VPS50: variants seen among roughly 807,000 people sequenced by gnomAD.
VPS50 encodes the protein syndetin.
In VPS50, 70 loss-of-function variants were observed where a neutral mutation model predicts 139.7. The ratio of observed to expected loss-of-function variants is 0.50; its 90% confidence interval spans 0.41 to 0.61. The LOEUF is 0.61. Among genes scored for constraint, VPS50 ranks in the 20% least tolerant of loss-of-function variants. VPS50 has a pLI of 0.00. For missense variants in VPS50, 921 were observed against 1,133.7 expected (o/e 0.81, Z 2.69); for synonymous variants, 365 against 376.7 (o/e 0.97, Z 0.36).
At chr7:93,249,978 C>T (rs1295723734) in intron 2 of VPS50, among the ~76,000 whole-genome samples, 1 of 152,006 alleles carries the variant, frequency 6.6e-6, no homozygotes, top group Non-Finnish European at 1.5e-5. Context: ...AGATAAACCC[C>T]TTCAGGAATG....
chr7:93,316,525 A>AG (rs1413813334), intron 20 of VPS50, among the ~76,000 whole-genome samples: 1 of 152,206 alleles, frequency 6.6e-6, no homozygotes, highest in African/African-American at 2.4e-5. Flanking sequence ...ATAGAGAAGA[A>AG]GATGGATTAG....
chr7:93,257,166 A>G (rs1028998347), intron 5 of VPS50, among the ~76,000 whole-genome samples: 1 of 152,088 alleles, frequency 6.6e-6, no homozygotes, highest in African/African-American at 2.4e-5. Context: ...AGCAATACTG[A>G]CTAAATATTT....
At chr7:93,246,185 A>G in intron 2 of VPS50, 1 of 1,049,552 alleles carries the variant, frequency 9.5e-7, no homozygotes. Context: ...ATGTTGACGA[A>G]TGAAGAAATG....
chr7:93,348,492 T>C (rs947032473), intron 23 of VPS50, among the ~76,000 whole-genome samples: 1 of 152,228 alleles, frequency 6.6e-6, no homozygotes, highest in African/African-American at 2.4e-5. Context: ...TTGTTCTTCT[T>C]TCACCTCAAC....
chr7:93,276,323 TA>T lies in VPS50; in HGVS notation c.942+19del. On this transcript the variant is annotated intron_variant, in intron 12 of 27. Transcript: ENST00000305866. ...TCTGTACAGTATGTAGTGACTTAAT[TA>T]CTATTCATATATCTCTCCTTTAGAT... The T allele has an allele frequency of 6.3e-7, 1 of 1,597,822 alleles. No homozygotes were observed. The highest frequency in any genetic ancestry group is 1.1e-5 in the South Asian group (1 of 89,470).
At chr7:93,321,716 C>A (rs998368928) in intron 20 of VPS50, among the ~76,000 whole-genome samples, 19 of 152,108 alleles carry the variant, frequency 1.2e-4, no homozygotes, top group African/African-American at 4.3e-4. Flanking sequence ...ATTTTTATAT[C>A]CTTTTTCAAG....
intron 12 of VPS50, among the ~76,000 whole-genome samples, chr7:93,283,749 T>A (rs763182815): frequency 2.6e-5 from 4 of 152,152 alleles, no homozygotes; most frequent in Non-Finnish European, 1.5e-5. Flanking sequence ...GTCTTAGATT[T>A]CAACAGGCAC....
At chr7:93,258,608 C>T (rs1010290822) in intron 8 of VPS50, among the ~76,000 whole-genome samples, 3 of 152,000 alleles carry the variant, frequency 2.0e-5, no homozygotes, top group African/African-American at 7.2e-5. Flanking sequence ...TTTGGGAAAA[C>T]ATTTATCTTC....
chr7:93,332,406 C>T (rs1005023264), intron 21 of VPS50, among the ~76,000 whole-genome samples: 1 of 152,174 alleles, frequency 6.6e-6, no homozygotes, highest in Non-Finnish European at 1.5e-5. Context: ...AAAAGCCCCA[C>T]CTCCAAATGC....
At chr7:93,232,579 G>A (rs1240742788) in intron 1 of VPS50, 79 bp downstream of exon 1, 2 of 1,263,392 alleles carry the variant, frequency 1.6e-6, no homozygotes, top group African/African-American at 1.5e-5. Context: ...CCCAACCAGT[G>A]GCGGGCGGGG....
intron 12 of VPS50, among the ~76,000 whole-genome samples, chr7:93,284,521 T>C (rs1025737063): frequency 2.0e-5 from 3 of 152,228 alleles, no homozygotes; most frequent in Admixed American, 6.5e-5. Flanking sequence ...ATTATTTATA[T>C]CATACATATT....
At position 93,348,723 on chromosome 7, in the gene VPS50, T is replaced by C. The variant is rs1228661509; in HGVS notation, c.2220T>C (p.Ala740=). The C allele has an allele frequency of 1.2e-6, 2 of 1,611,958 alleles. No individual in the cohort carries two copies. Among genetic ancestry groups the C allele is most frequent in the Admixed American group, 3.3e-5 (2 of 60,006 alleles). ...TTATTCCCTTTAGGGTATTCTTGGC[T>C]GAACAGTTTGAGTTCCTTCAGCCAC... ...VVATESLVFL[A]EQFEFLQPHL... The change falls in exon 24 of 28, where the codon GCT becomes GCC. Residue 740 remains alanine (A), a synonymous_variant. Coordinates refer to ENST00000305866, the MANE Select transcript of VPS50 (RefSeq NM_017667.4).
chr7:93,342,156 C>T lies in VPS50; in HGVS notation c.2207+581C>T, dbSNP rs539758168. The stretch of plus-strand genomic sequence containing the variant: ...GAGCCGAAGCAGGGCGAGGCATTGC[C>T]TCACTAGGGAAGCACAAGGGGTCAG... On this transcript the variant is annotated intron_variant, in intron 23 of 27. Transcript: ENST00000305866. Among the ~76,000 whole-genome samples, 192 of 152,286 alleles carry T rather than the reference C, an allele frequency of 1.3e-3. 1 individual carries two copies. The highest frequency in any genetic ancestry group is 4.4e-3 in the African/African-American group (182 of 41,554).
At chr7:93,355,832 A>G in intron 26 of VPS50, 59 bp from the exon 27 acceptor site, 2 of 1,014,888 alleles carry the variant, frequency 2.0e-6, no homozygotes, top group Admixed American at 2.4e-5. Context: ...CAAATACCTG[A>G]CAGTTTTTTG....
At chr7:93,246,044 AC>A (rs1488654378) in intron 2 of VPS50, 12 of 1,022,002 alleles carry the variant, frequency 1.2e-5, no homozygotes, top group Non-Finnish European at 1.6e-5. Context: ...TTTTGTTCTT[AC>A]TTCTAGCTCT....
chr7:93,268,120 C>T (rs1795895724), intron 9 of VPS50, among the ~76,000 whole-genome samples: 1 of 152,176 alleles, frequency 6.6e-6, no homozygotes, highest in Non-Finnish European at 1.5e-5. Context: ...ACTTGCCTTG[C>T]ATAAAGCCTT....
At chr7:93,341,273 T>TACAA (rs1435361517) in intron 22 of VPS50, among the ~76,000 whole-genome samples, 154 bp from the exon 23 acceptor site, 2 of 152,206 alleles carry the variant, frequency 1.3e-5, no homozygotes, top group African/African-American at 4.8e-5. Flanking sequence ...TTCCAATAGT[T>TACAA]ACAAACATGA....
intron 25 of VPS50, among the ~76,000 whole-genome samples, chr7:93,351,132 G>A (rs557354045): frequency 3.9e-5 from 6 of 152,128 alleles, no homozygotes; most frequent in South Asian, 2.1e-4. Context: ...CCAGACTCCG[G>A]GACTAATTGT....
intron 16 of VPS50, among the ~76,000 whole-genome samples, chr7:93,300,388 A>G (rs1354066821): frequency 1.3e-5 from 2 of 152,128 alleles, no homozygotes; most frequent in African/African-American, 2.4e-5. Context: ...TAACAAGAGG[A>G]CATTATAAAA....
Sources: gnomAD v4.1 joint callset for allele counts (sites outside exome capture counted in the v4.1 genomes callset) on GRCh38, gnomAD v4.1.1 for gene constraint, MANE v1.5 for transcripts, NCBI Gene and HGNC (gene_info 2026-07-23, HGNC 2026-07-21) for gene names.